The following ERICH1 variants were observed in gnomAD, a reference collection of about 807,000 sequenced individuals.
ERICH1 encodes glutamate rich 1.
A neutral mutation model predicts 39.6 loss-of-function variants in ERICH1; 56 were observed. The observed-to-expected ratio is 1.41, with a 90% CI of 1.14 to 1.77. The LOEUF (loss-of-function observed/expected upper bound fraction) is 1.77, where lower values mean the gene tolerates loss of function less well. ERICH1 is among the 40% of genes most tolerant of loss of function. The pLI, the probability that ERICH1 is intolerant of heterozygous loss-of-function variation, is 0.00. For synonymous variants in ERICH1, 313 were observed against 223.6 expected, an observed-to-expected ratio of 1.40 and a Z score of -3.57; for missense variants, 826 against 575.4, an observed-to-expected ratio of 1.44 and a Z score of -4.45.
chr8:664,608 C>T lies in ERICH1; in HGVS notation c.1327G>A (p.Asp443Asn), dbSNP rs752885695. Residue 443 changes from aspartate (D) to asparagine (N), a missense_variant, in exon 6 of 6, where the codon GAC becomes AAC. Transcript: ENST00000262109. ...TCTTAAAGAGATATTCCATTTTAGT[C>T]ACTGCTCTTCTCAGGAAGGATATGT... ...ITHILPEKSS[D>N] The T allele has an allele frequency of 8.1e-6, 13 of 1,609,170 alleles. No homozygotes were observed. The highest frequency in any genetic ancestry group is 4.5e-5 in the South Asian group (4 of 89,826).
rs550702121 is a variant in ERICH1 at position 676,834 on chromosome 8, C to T, written c.305-2787G>A. On this transcript the variant is annotated intron_variant, in intron 3 of 5. Transcript: ENST00000262109. Reference sequence around the variant, plus strand: ...CAGACAGTTCTCATTTTAGGAAGCGCCTGTTGGAGTTTTCTGAGCTGTGCA... The same window carrying T: ...CAGACAGTTCTCATTTTAGGAAGCGTCTGTTGGAGTTTTCTGAGCTGTGCA... Among the ~76,000 whole-genome samples the T allele has an allele frequency of 1.5e-4, 23 of 152,348 alleles. No individual in the cohort carries two copies. In the South Asian group the frequency reaches 3.9e-3, roughly 26 times the overall value.
rs543969975 is a variant in ERICH1, at chr8:731,163, C to G, written c.-2G>C. ...ACCGTGCTTCCTGTGCGCCGCCATG[C>G]GGGACCCTGCCGCGGACCTCAGACC... On this transcript the variant is annotated 5_prime_UTR_variant, in exon 1 of 6. Transcript: ENST00000262109. 172 of 1,509,224 alleles carry G rather than the reference C, an allele frequency of 1.1e-4. No homozygotes were observed. The highest frequency in any genetic ancestry group is 1.4e-4 in the Non-Finnish European group (160 of 1,131,016). The allele number at this position is 1,509,224 out of a possible 1,614,324, so 93.5% of individuals were successfully genotyped here.
At chr8:699,260 G>A (rs994309495) in intron 2 of ERICH1, among the ~76,000 whole-genome samples, 1 of 152,136 alleles carries the variant, frequency 6.6e-6, no homozygotes, top group Non-Finnish European at 1.5e-5. Context: ...TTTCCCACCT[G>A]CATGGATAAC....
intron 3 of ERICH1, among the ~76,000 whole-genome samples, chr8:653,093 C>A (rs1264605310): frequency 6.6e-6 from 1 of 152,228 alleles, no homozygotes; most frequent in East Asian, 1.9e-4. Context: ...CCAGCCCTTC[C>A]ACTTCTGGGC....
chr8:715,116 G>T (rs1241303603), intron 2 of ERICH1, among the ~76,000 whole-genome samples: 1 of 151,402 alleles, frequency 6.6e-6, no homozygotes, highest in African/African-American at 2.4e-5. Flanking sequence ...TTACATCCAG[G>T]TGGTCTCTTC....
At chr8:682,119 C>G (rs1195559163) in intron 3 of ERICH1, among the ~76,000 whole-genome samples, 1 of 152,074 alleles carries the variant, frequency 6.6e-6, no homozygotes, top group Non-Finnish European at 1.5e-5. Flanking sequence ...GTGTAAAACC[C>G]CATTGTGGTG....
chr8:716,107 C>G (rs932641565), intron 1 of ERICH1, 100 bp from the exon 2 acceptor site: 4 of 1,405,270 alleles, frequency 2.8e-6, no homozygotes, highest in Non-Finnish European at 3.8e-6. Context: ...CACACACATC[C>G]TGAAAGCACC....
intron 2 of ERICH1, among the ~76,000 whole-genome samples, chr8:711,842 G>C (rs1398717482): frequency 6.6e-6 from 1 of 152,164 alleles, no homozygotes; most frequent in Non-Finnish European, 1.5e-5. Flanking sequence ...TTTAAGGTCT[G>C]TGTCTATATT....
intron 3 of ERICH1, among the ~76,000 whole-genome samples, chr8:621,651 C>G (rs1797288794): frequency 6.6e-6 from 1 of 151,796 alleles, no homozygotes; most frequent in Admixed American, 6.6e-5. Context: ...ATCAACAAGA[C>G]CAATGGTTAG....
Position 715,892 on chromosome 8 carries a change from T to C in ERICH1, c.138A>G (p.Lys46=). 2 of 1,613,694 alleles carry C rather than the reference T, an allele frequency of 1.2e-6. No homozygotes were observed. The highest frequency in any genetic ancestry group is 1.7e-6 in the Non-Finnish European group (2 of 1,179,866). ...QNPPKKVTSE[K]VSQKHAEPLT... The stretch of plus-strand genomic sequence containing the variant: ...AAGGCTCAGCATGTTTCTGGCTCAC[T>C]TTCTCAGAGGTCACTTTCTTTGGTG... Residue 46 remains lysine, a synonymous_variant, in exon 2 of 6, where the codon AAA becomes AAG. Coordinates refer to ENST00000262109, the MANE Select transcript of ERICH1 (RefSeq NM_207332.3).
At chr8:654,855 G>C (rs1800418210) in intron 3 of ERICH1, among the ~76,000 whole-genome samples, 1 of 152,174 alleles carries the variant, frequency 6.6e-6, no homozygotes, top group African/African-American at 2.4e-5. Context: ...CCCCCGAGTA[G>C]CTGCTGTCCC....
At chr8:650,370 C>G (rs889840903) in intron 3 of ERICH1, among the ~76,000 whole-genome samples, 1 of 152,252 alleles carries the variant, frequency 6.6e-6, no homozygotes, top group Non-Finnish European at 1.5e-5. Flanking sequence ...TTCCTTTTTC[C>G]TGCCCTGGGG....
chr8:696,669 C>T (rs1195750025), intron 2 of ERICH1, among the ~76,000 whole-genome samples: 2 of 35,512 alleles, frequency 5.6e-5, no homozygotes, highest in Non-Finnish European at 4.8e-5. Context: ...CATCAGCCTG[C>T]GCTCGCTCCT....
At chr8:715,076 G>T (rs1469541060) in intron 2 of ERICH1, among the ~76,000 whole-genome samples, 1 of 151,546 alleles carries the variant, frequency 6.6e-6, no homozygotes, top group African/African-American at 2.4e-5. Context: ...CACCCAGGTG[G>T]TCTATTCCCG....
chr8:651,791 G>A (rs1257658517), intron 3 of ERICH1, among the ~76,000 whole-genome samples: 2 of 152,116 alleles, frequency 1.3e-5, no homozygotes, highest in South Asian at 2.1e-4. Flanking sequence ...GTTTCCCTTC[G>A]GCAGCCACTC....
At chr8:658,624 T>C (rs970191220) in intron 3 of ERICH1, among the ~76,000 whole-genome samples, 1 of 152,144 alleles carries the variant, frequency 6.6e-6, no homozygotes, top group Non-Finnish European at 1.5e-5. Flanking sequence ...AGACAAGACC[T>C]TAGGGAGGTG....
At chr8:699,530 A>G (rs1319416872) in intron 2 of ERICH1, among the ~76,000 whole-genome samples, 3 of 152,174 alleles carry the variant, frequency 2.0e-5, no homozygotes, top group Admixed American at 6.5e-5. Context: ...CCCACCCCTC[A>G]GGGTGACGGC....
At chr8:704,376 G>A (rs1442756457) in intron 2 of ERICH1, among the ~76,000 whole-genome samples, 5 of 152,238 alleles carry the variant, frequency 3.3e-5, no homozygotes, top group African/African-American at 4.8e-5. Flanking sequence ...AAGAGGCCAC[G>A]GAAGATGAAG....
chr8:652,979 C>T (rs1171623222), intron 3 of ERICH1, among the ~76,000 whole-genome samples: 1 of 152,194 alleles, frequency 6.6e-6, no homozygotes, highest in Non-Finnish European at 1.5e-5. Flanking sequence ...GAGGAATGAG[C>T]ACACTCATGT....
Sources: allele counts gnomAD v4.1 joint callset (sites outside exome capture counted in the v4.1 genomes callset), GRCh38; gene constraint gnomAD v4.1.1; transcripts MANE v1.5; gene names NCBI Gene and HGNC (gene_info 2026-07-23, HGNC 2026-07-21).